PLG: variants seen among roughly 807,000 people sequenced by gnomAD.
The protein encoded by PLG is plasmin.
Under a neutral mutation model 104.4 loss-of-function variants are expected in PLG, and 41 were observed. That is an observed-to-expected ratio of 0.39 (90% CI 0.31 to 0.51). The LOEUF (loss-of-function observed/expected upper bound fraction) is 0.51. Among genes scored for constraint, PLG ranks in the 20% least tolerant of loss-of-function variants. PLG has a pLI of 0.76. For missense variants in PLG, 891 were observed against 1,003.6 expected, an observed-to-expected ratio of 0.89 and a Z score of 1.52; for synonymous variants, 337 against 357.1, an observed-to-expected ratio of 0.94 and a Z score of 0.63.
In PLG at chr6:160,719,375, A is replaced by T. The variant is rs1171542256; in HGVS notation, c.1096+537A>T. On this transcript the variant is annotated intron_variant, in intron 9 of 18. Coordinates refer to ENST00000308192, the MANE Select transcript of PLG (RefSeq NM_000301.5). The surrounding 1 kb of genome is among the most constrained non-coding windows in gnomAD (Gnocchi z 4.1). ...AATATTTCTTCTTCTGAAGTTCTGAACTCTCTTTATGGTGATATAAATACA... is the reference window on the plus strand; with the variant it reads ...AATATTTCTTCTTCTGAAGTTCTGATCTCTCTTTATGGTGATATAAATACA... Among the ~76,000 whole-genome samples, 10 of 151,352 alleles carry T rather than the reference A, an allele frequency of 6.6e-5. No individual in the cohort carries two copies. The highest frequency in any genetic ancestry group is 2.6e-4 in the Admixed American group (4 of 15,220).
In PLG at chr6:160,731,082, G is replaced by A; in HGVS notation, c.1288G>A (p.Asp430Asn). The A allele has an allele frequency of 6.2e-7, 1 of 1,614,072 alleles. No homozygotes were observed. Among genetic ancestry groups the A allele is most frequent in the Non-Finnish European group, 8.5e-7 (1 of 1,179,970 alleles). ...GACAATGAACTACTGCAGGAATCCAGATGCCGATAAAGGCCCCTGGTGTTT... is the reference window on the plus strand; with the variant it reads ...GACAATGAACTACTGCAGGAATCCAAATGCCGATAAAGGCCCCTGGTGTTT... ...GLTMNYCRNP[D>N]ADKGPWCFTT... Residue 430 changes from aspartate (D) to asparagine (N), a missense_variant, in exon 11 of 19, where the codon GAT becomes AAT. Physicochemically the swap from Asp to Asn is conservative, Grantham distance 23 (BLOSUM62 1). Around this residue, in one of 2 missense-constraint regions of PLG, gnomAD observed 854 missense variants for 932.1 expected, o/e 0.92. Coordinates refer to ENST00000308192, the MANE Select transcript of PLG (RefSeq NM_000301.5). This position sits in a 1 kb window ranked among gnomAD's most constrained non-coding sequence, Gnocchi z 5.1.
At position 160,722,593 on chromosome 6, in the gene PLG, A is replaced by T. The variant is rs765725347; in HGVS notation, c.1256+26A>T. The stretch of plus-strand genomic sequence containing the variant: ...GTATGTCTTTGATTTTTACTGTAAG[A>T]GGGGCATCAGCCAACTGAAATTTCT... On this transcript the variant is annotated intron_variant, in intron 10 of 18. Coordinates refer to ENST00000308192, the MANE Select transcript of PLG (RefSeq NM_000301.5). The T allele has an allele frequency of 1.1e-5, 18 of 1,605,356 alleles. No individual in the cohort carries two copies. In the South Asian group the frequency reaches 1.9e-4, roughly 17 times the overall value.
At chr6:160,748,417 G>GAAAA (rs1554252983) in intron 17 of PLG, among the ~76,000 whole-genome samples, 1 of 62,362 alleles carries the variant, frequency 1.6e-5, no homozygotes, top group Non-Finnish European at 3.0e-5. Context: ...AGAAAGAAAG[G>GAAAA]GAAAGAAAGA....
rs116195901 is a variant in PLG, at chr6:160,721,792, C to A, written c.1097-616C>A. The stretch of plus-strand genomic sequence containing the variant: ...GTGCCTCCTTCTGATGGAACTTGTA[C>A]CTGTGGTGGGTTTGGAAAGAAAGAG... On this transcript the variant is annotated intron_variant, in intron 9 of 18. Transcript: ENST00000308192. Among the ~76,000 whole-genome samples, 998 of 152,214 alleles carry A rather than the reference C, an allele frequency of 6.6e-3. 13 individuals carry two copies. Among genetic ancestry groups the A allele is most frequent in the African/African-American group, 0.023 (948 of 41,516 alleles).
intron 4 of PLG, chr6:160,711,647 T>A: frequency 6.2e-7 from 1 of 1,610,802 alleles, no homozygotes; most frequent in East Asian, 2.2e-5. Context: ...ACATGGTTGC[T>A]TTCTATTTTT....
chr6:160,739,120 A>T lies in PLG; in HGVS notation c.1930A>T (p.Asn644Tyr). ...KVILGAHQEV[N>Y]LEPHVQEIEV... ...CATCCTGGGTGCACACCAAGAAGTG[A>T]ATCTCGAACCGCATGTTCAGGAAAT... The change falls in exon 16 of 19, where the codon AAT becomes TAT. Residue 644 changes from asparagine (N) to tyrosine (Y), a missense_variant. By Grantham distance (143) the Asn-to-Tyr change is moderately radical. Transcript: ENST00000308192. The surrounding 1 kb of genome is among the most constrained non-coding windows in gnomAD (Gnocchi z 4.4). 2 of 1,614,088 alleles carry T rather than the reference A, an allele frequency of 1.2e-6. No individual in the cohort carries two copies. Among genetic ancestry groups the T allele is most frequent in the Non-Finnish European group, 1.7e-6 (2 of 1,179,994 alleles).
intron 17 of PLG, among the ~76,000 whole-genome samples, chr6:160,750,108 C>T (rs1778378428): frequency 6.6e-6 from 1 of 152,198 alleles, no homozygotes; most frequent in African/African-American, 2.4e-5. Context: ...CTCTGCTTCT[C>T]AGAGGGAAGT....
chr6:160,744,615 G>A lies in PLG; in HGVS notation c.2125+3198G>A, dbSNP rs1778248904. On this transcript the variant is annotated intron_variant, in intron 17 of 18. Transcript: ENST00000308192. This position sits in a 1 kb window ranked among gnomAD's most constrained non-coding sequence, Gnocchi z 4.5. ...TACTGTTTTCAAAAAACCAACTACTGGACTTGTTGATCTTTTGAATGAATT... is the reference window on the plus strand; with the variant it reads ...TACTGTTTTCAAAAAACCAACTACTAGACTTGTTGATCTTTTGAATGAATT... 6.6e-6 allele frequency among the ~76,000 whole-genome samples: 1 copy of A among 152,044 alleles called. No individual in the cohort carries two copies. The highest frequency in any genetic ancestry group is 2.1e-4 in the South Asian group (1 of 4,818).
intron 9 of PLG, among the ~76,000 whole-genome samples, chr6:160,721,204 T>G (rs1399745656): frequency 6.6e-6 from 1 of 152,242 alleles, no homozygotes; most frequent in African/African-American, 2.4e-5. Flanking sequence ...GCGTCTTCTC[T>G]AAGTCTGGCT....
rs372617319 is a variant in PLG, at chr6:160,713,049, C to T, written c.471C>T (p.Asn157=). ...LEENYCRNPD[N]DPQGPWCYTT... is the part of the protein sequence containing the mutation. ...AGAACTACTGCAGGAATCCAGACAA[C>T]GATCCGCAGGGGCCCTGGTGCTATA... Residue 157 remains asparagine (N), a synonymous_variant, in exon 5 of 19, where the codon AAC becomes AAT. Coordinates refer to ENST00000308192, the MANE Select transcript of PLG (RefSeq NM_000301.5). 91 of 1,607,512 alleles carry T rather than the reference C, an allele frequency of 5.7e-5. No individual in the cohort carries two copies. The highest frequency in any genetic ancestry group is 2.3e-4 in the Middle Eastern group (1 of 4,422).
At chr6:160,712,129 G>A (rs1178526170) in intron 4 of PLG, 5 of 194,658 alleles carry the variant, frequency 2.6e-5, no homozygotes, top group Non-Finnish European at 5.2e-5. Context: ...GGCAAAGTCA[G>A]AGACTATCGG....
chr6:160,722,808 G>A (rs76794735), intron 10 of PLG, among the ~76,000 whole-genome samples: 1 of 152,102 alleles, frequency 6.6e-6, no homozygotes, highest in Non-Finnish European at 1.5e-5. Flanking sequence ...AGGTGATGAG[G>A]TCACATTAAT....
At chr6:160,729,743 A>G (rs974888964) in intron 10 of PLG, among the ~76,000 whole-genome samples, 1 of 152,204 alleles carries the variant, frequency 6.6e-6, no homozygotes, top group Non-Finnish European at 1.5e-5. Flanking sequence ...GGTAGCAGGA[A>G]TTGAATGAGC....
chr6:160,750,534 A>G lies in PLG; in HGVS notation c.2126-1581A>G, dbSNP rs145643136. ...GAAGGGTGCTCCCTCACACAACTACACAGTCCAGGTGATGCACCCACTGCC... is the reference window on the plus strand; with the variant it reads ...GAAGGGTGCTCCCTCACACAACTACGCAGTCCAGGTGATGCACCCACTGCC... On this transcript the variant is annotated intron_variant, in intron 17 of 18. Transcript: ENST00000308192. Among the ~76,000 whole-genome samples the G allele has an allele frequency of 6.3e-3, 962 of 152,278 alleles. 13 individuals carry two copies. The highest frequency in any genetic ancestry group is 0.022 in the African/African-American group (910 of 41,562).
rs576061679 is a variant in PLG, at chr6:160,725,109, G to A, written c.1256+2542G>A. 3.9e-4 allele frequency among the ~76,000 whole-genome samples: 59 copies of A among 152,192 alleles called. No individual in the cohort carries two copies. The highest frequency in any genetic ancestry group is 5.9e-5 in the Non-Finnish European group (4 of 68,006). On this transcript the variant is annotated intron_variant, in intron 10 of 18. Coordinates refer to ENST00000308192, the MANE Select transcript of PLG (RefSeq NM_000301.5). This position sits in a 1 kb window ranked among gnomAD's most constrained non-coding sequence, Gnocchi z 6.3. ...ACGTGCCTGTAATCCCAGCAACTCAGGAGGCTGAGGCAGGAGAATCACTTG... is the reference window on the plus strand; with the variant it reads ...ACGTGCCTGTAATCCCAGCAACTCAAGAGGCTGAGGCAGGAGAATCACTTG...
Position 160,738,299 on chromosome 6 carries a change from G to A in PLG, c.1803-239G>A, listed in dbSNP as rs1778122478. The A allele has an allele frequency of 1.9e-6, 1 of 534,786 alleles. No homozygotes were observed. The highest frequency in any genetic ancestry group is 3.4e-6 in the Non-Finnish European group (1 of 290,014). The allele number at this position is 534,786 out of a possible 1,614,324, so 33.1% of individuals were successfully genotyped here. A position where few individuals can be genotyped will look rare whatever the true frequency, so the allele number is the denominator to read the frequency against. ...ACTTAGCTTTGCTCTCCTGTGGACA[G>A]GCCATGCCTGTGCCTCCCCCAAGCA... On this transcript the variant is annotated intron_variant, in intron 14 of 18. Coordinates refer to ENST00000308192, the MANE Select transcript of PLG (RefSeq NM_000301.5). This position sits in a 1 kb window ranked among gnomAD's most constrained non-coding sequence, Gnocchi z 6.8.
chr6:160,743,155 A>C (rs11961341), intron 17 of PLG, among the ~76,000 whole-genome samples: 4,494 of 151,492 alleles, frequency 0.03, 255 homozygotes, highest in African/African-American at 0.1. Flanking sequence ...CTTTTTGGTT[A>C]TATATAAATT....
intron 12 of PLG, 142 bp from the exon 13 acceptor site, chr6:160,733,846 GAAAAAAA>G (rs10540264): frequency 0.031 from 10,811 of 345,944 alleles, 3 homozygotes; most frequent in East Asian, 0.054. Flanking sequence ...CTCCACCTCA[GAAAAAAA>G]AAAAAAAAAA....
At chr6:160,717,608 CCA>C (rs1777758701) in intron 7 of PLG, among the ~76,000 whole-genome samples, 1 of 151,950 alleles carries the variant, frequency 6.6e-6, no homozygotes, top group Non-Finnish European at 1.5e-5. Context: ...ATGTTGGGTG[CCA>C]TTCAGTCATG....
Sources: allele counts gnomAD v4.1 joint callset (sites outside exome capture counted in the v4.1 genomes callset), GRCh38; gene constraint gnomAD v4.1.1; regional missense constraint gnomAD v4.1.1; non-coding constraint Gnocchi (gnomAD v3.1); transcripts MANE v1.5; gene names NCBI Gene and HGNC (gene_info 2026-07-23, HGNC 2026-07-21).